Variants in RAB38 observed in about 807,000 individuals in gnomAD.
The protein encoded by RAB38 is ras-related protein Rab-38.
RAB38 carries 15 observed loss-of-function variants against 18.4 expected under a neutral mutation model. The ratio of observed to expected loss-of-function variants is 0.82; its 90% CI spans 0.55 to 1.26. The LOEUF is 1.26. RAB38 is among the 50% of genes most tolerant of loss of function. The probability of loss-of-function intolerance (pLI) is 0.00; values close to 1 mark genes in which losing one functional copy is unlikely to be tolerated. For missense variants in RAB38, 294 were observed against 267.4 expected, an observed-to-expected ratio of 1.10 and a Z score of -0.69; for synonymous variants, 101 against 104.4, an observed-to-expected ratio of 0.97 and a Z score of 0.20.
At chr11:87,842,921 A>T in the RAB38 span, among the ~76,000 whole-genome samples, 1 of 152,206 alleles carries the variant, frequency 6.6e-6, no homozygotes, top group Non-Finnish European at 1.5e-5. Context: ...TCTCAATGAG[A>T]AGTGCAGAAT....
the RAB38 span, among the ~76,000 whole-genome samples, chr11:88,053,216 ACAC>A: frequency 1.7e-5 from 2 of 120,392 alleles, no homozygotes; most frequent in South Asian, 2.5e-4. Flanking sequence ...ATATATATAC[ACAC>A]ATATATATGG....
chr11:87,947,906 A>C, the RAB38 span, among the ~76,000 whole-genome samples: 2 of 152,166 alleles, frequency 1.3e-5, no homozygotes, highest in African/African-American at 2.4e-5. Context: ...TGAACTCTAA[A>C]GTAGTTGTTT....
At chr11:87,926,517 TTTG>T in the RAB38 span, among the ~76,000 whole-genome samples, 3 of 111,666 alleles carry the variant, frequency 2.7e-5, no homozygotes, top group South Asian at 7.2e-4. Flanking sequence ...GGTTTTTTTG[TTTG>T]TTTGTTTGTT....
the RAB38 span, among the ~76,000 whole-genome samples, chr11:87,869,752 A>G: frequency 6.6e-6 from 1 of 151,670 alleles, no homozygotes; most frequent in Non-Finnish European, 1.5e-5. Context: ...CATCCCATCT[A>G]CACAACACAG....
the RAB38 span, among the ~76,000 whole-genome samples, chr11:87,827,863 A>T: frequency 1.3e-5 from 2 of 152,188 alleles, no homozygotes; most frequent in African/African-American, 4.8e-5. Context: ...TGTCTGTTGT[A>T]GTTAGATTTC....
At chr11:88,011,504 AG>A in the RAB38 span, among the ~76,000 whole-genome samples, 2 of 152,198 alleles carry the variant, frequency 1.3e-5, no homozygotes, top group Admixed American at 6.5e-5. Flanking sequence ...ACTCAAACAT[AG>A]CTGTATCTGA....
chr11:88,021,041 C>T, the RAB38 span, among the ~76,000 whole-genome samples: 2 of 151,804 alleles, frequency 1.3e-5, no homozygotes, highest in African/African-American at 2.4e-5. Flanking sequence ...TCTTAAAGAA[C>T]TAGAAAACCA....
the RAB38 span, among the ~76,000 whole-genome samples, chr11:88,028,341 T>C: frequency 4.0e-3 from 603 of 152,270 alleles, 2 homozygotes; most frequent in South Asian, 0.025. Flanking sequence ...TCCAAAGGAA[T>C]GCAGTTCCTC....
chr11:87,818,758 T>A, the RAB38 span, among the ~76,000 whole-genome samples: 1 of 152,026 alleles, frequency 6.6e-6, no homozygotes, highest in African/African-American at 2.4e-5. Context: ...TGTAGGAATG[T>A]TAAAAAATAA....
At chr11:88,149,081 GC>G (rs35321118) in intron 2 of RAB38, among the ~76,000 whole-genome samples, 27,207 of 152,006 alleles carry the variant, frequency 0.18, 2,547 homozygotes, top group African/African-American at 0.23. Context: ...TCATCTTCCA[GC>G]CCTGCCTCAG....
At chr11:88,068,087 C>T in the RAB38 span, among the ~76,000 whole-genome samples, 2 of 151,250 alleles carry the variant, frequency 1.3e-5, no homozygotes, top group African/African-American at 4.8e-5. Context: ...TTCTACAAAA[C>T]ACTCCTCGAA....
chr11:88,132,168 C>CAT, intron 2 of RAB38, among the ~76,000 whole-genome samples: 1 of 152,302 alleles, frequency 6.6e-6, no homozygotes, highest in East Asian at 1.9e-4. Flanking sequence ...ACTGTGAAAT[C>CAT]ATAAATGTGT....
At chr11:87,926,705 C>A in the RAB38 span, among the ~76,000 whole-genome samples, 2 of 151,954 alleles carry the variant, frequency 1.3e-5, no homozygotes, top group East Asian at 3.9e-4. Context: ...AGGAGTTGAG[C>A]TTTATTACTC....
chr11:87,814,002 C>G, the RAB38 span, among the ~76,000 whole-genome samples: 1 of 152,100 alleles, frequency 6.6e-6, no homozygotes, highest in Non-Finnish European at 1.5e-5. Flanking sequence ...GGCAGGGATG[C>G]TTGCATGTGT....
At chr11:87,810,211 C>T in the RAB38 span, among the ~76,000 whole-genome samples, 1 of 152,104 alleles carries the variant, frequency 6.6e-6, no homozygotes, top group Non-Finnish European at 1.5e-5. Context: ...CACCTACTGT[C>T]ACTCTTTCTA....
chr11:87,884,621 T>A, the RAB38 span, among the ~76,000 whole-genome samples: 2 of 151,910 alleles, frequency 1.3e-5, no homozygotes, highest in Non-Finnish European at 2.9e-5. Flanking sequence ...GGTTGTGAGT[T>A]ATTACTGTAG....
At chr11:88,047,362 C>T in the RAB38 span, among the ~76,000 whole-genome samples, 1 of 152,174 alleles carries the variant, frequency 6.6e-6, no homozygotes, top group Non-Finnish European at 1.5e-5. Flanking sequence ...CCTGAACACA[C>T]TTGGTTTATT....
the RAB38 span, among the ~76,000 whole-genome samples, chr11:87,871,746 G>GT: frequency 1.3e-5 from 2 of 151,472 alleles, no homozygotes; most frequent in African/African-American, 2.4e-5. Flanking sequence ...AGGGTTGACT[G>GT]TTTTTGAAAT....
chr11:88,038,698 C>T, the RAB38 span, among the ~76,000 whole-genome samples: 1 of 152,124 alleles, frequency 6.6e-6, no homozygotes, highest in Non-Finnish European at 1.5e-5. Context: ...CAATCAAATA[C>T]CAAGTCTTAC....
Sources: allele counts gnomAD v4.1 joint callset (sites outside exome capture counted in the v4.1 genomes callset), GRCh38; gene constraint gnomAD v4.1.1; transcripts MANE v1.5; gene names NCBI Gene and HGNC (gene_info 2026-07-23, HGNC 2026-07-21).